GDA: variants seen among roughly 807,000 people sequenced by gnomAD.
The protein encoded by GDA is cytoplasmic PSD-95 interactor.
A neutral mutation model predicts 59.6 loss-of-function variants in GDA; 18 were observed. That is an observed-to-expected ratio of 0.30 (90% CI 0.21 to 0.45). The LOEUF is 0.45. Among genes scored for constraint, GDA ranks in the 20% least tolerant of loss-of-function variants. The pLI, the probability that GDA is intolerant of heterozygous loss-of-function variation, is 1.00. For missense variants in GDA, 427 were observed against 552.3 expected, an observed-to-expected ratio of 0.77 and a Z score of 2.27; for synonymous variants, 201 against 201.1, an observed-to-expected ratio of 1.00 and a Z score of 0.00.
chr9:72,250,171 T>G lies in GDA; in HGVS notation c.*1829T>G, dbSNP rs1038968680. The G allele has an allele frequency of 5.1e-6, 5 of 984,652 alleles. No individual in the cohort carries two copies. The South Asian group carries it at 1.4e-4, about 28-fold the overall frequency. The allele number at this position is 984,652 out of a possible 1,614,324, so 61.0% of individuals were successfully genotyped here. Reference sequence around the variant, plus strand: ...ATCTTCAGCTTTATCACTCAACCCCTGCCAAAGGAACTTGATTACATGGTG... The same window carrying G: ...ATCTTCAGCTTTATCACTCAACCCCGGCCAAAGGAACTTGATTACATGGTG... On this transcript the variant is annotated 3_prime_UTR_variant, in exon 14 of 14. Coordinates refer to ENST00000358399, the MANE Select transcript of GDA (RefSeq NM_004293.5).
At position 72,154,011 on chromosome 9, in the gene GDA, T is replaced by G. The variant is rs190630655; in HGVS notation, c.123+4329T>G. On this transcript the variant is annotated intron_variant, in intron 1 of 13. Transcript: ENST00000358399. ...CATGTTTAATTCATTTGCAAATATT[T>G]AATCTTGAGGTAATGCATGCTCAAA... Among the ~76,000 whole-genome samples, 120 of 152,302 alleles carry G rather than the reference T, an allele frequency of 7.9e-4. 2 individuals carry two copies. Among genetic ancestry groups the G allele is most frequent in the Admixed American group, 7.1e-3 (109 of 15,304 alleles).
At chr9:72,187,980 G>C (rs1374277771) in intron 1 of GDA, among the ~76,000 whole-genome samples, 1 of 152,190 alleles carries the variant, frequency 6.6e-6, no homozygotes, top group Non-Finnish European at 1.5e-5. Context: ...GATGAAATAG[G>C]ATATCTAGCT....
chr9:72,150,341 G>GCA lies in GDA; in HGVS notation c.123+675_123+676dup, dbSNP rs796802920. ...CGTACACACACACACACACACGCAC[G>GCA]CACACACACACACACACCATAGCCA... On this transcript the variant is annotated intron_variant, in intron 1 of 13. Coordinates refer to ENST00000358399, the MANE Select transcript of GDA (RefSeq NM_004293.5). Among the ~76,000 whole-genome samples the GCA allele has an allele frequency of 1.9e-3, 275 of 148,388 alleles. 1 individual carries two copies. The highest frequency in any genetic ancestry group is 3.2e-3 in the East Asian group (16 of 4,994).
chr9:72,245,444 G>A (rs769319331), intron 12 of GDA, among the ~76,000 whole-genome samples, 166 bp downstream of exon 12: 30 of 152,206 alleles, frequency 2.0e-4, no homozygotes, highest in Admixed American at 3.3e-4. Flanking sequence ...TGACAGCAAT[G>A]TTAAGAATAA....
chr9:72,216,307 G>A (rs1326078298), intron 5 of GDA, among the ~76,000 whole-genome samples: 1 of 152,172 alleles, frequency 6.6e-6, no homozygotes, highest in Non-Finnish European at 1.5e-5. Flanking sequence ...CCATATCTCA[G>A]GGTGGTTGCA....
intron 1 of GDA, among the ~76,000 whole-genome samples, chr9:72,153,509 T>C (rs1272164073): frequency 1.8e-4 from 25 of 141,368 alleles, no homozygotes; most frequent in Admixed American, 3.6e-4. Context: ...TAAATCATGC[T>C]GCTATAAAGA....
At chr9:72,188,641 C>T (rs1832136654) in intron 1 of GDA, among the ~76,000 whole-genome samples, 1 of 152,320 alleles carries the variant, frequency 6.6e-6, no homozygotes, top group East Asian at 1.9e-4. Context: ...CTGCAGAGAG[C>T]CCCAACTATG....
chr9:72,118,603 GC>G (rs1413329639), intron 1 of GDA, among the ~76,000 whole-genome samples: 1 of 152,080 alleles, frequency 6.6e-6, no homozygotes, highest in Non-Finnish European at 1.5e-5. Context: ...TTTTTAACCA[GC>G]ATTTTTCCCC....
rs1313902712 is a variant in GDA at position 72,241,202 on chromosome 9, G to A, written c.1039G>A (p.Val347Met). The A allele has an allele frequency of 1.9e-6, 3 of 1,610,948 alleles. No individual in the cohort carries two copies. Among genetic ancestry groups the A allele is most frequent in the Non-Finnish European group, 2.5e-6 (3 of 1,177,394 alleles). ...YSMLDAIRRA[V>M]MVSNILLINK... ...CATGCTTGATGCAATCAGAAGAGCA[G>A]TGATGGTTTCCAATATCCTTTTAAT... The change falls in exon 11 of 14, where the codon GTG (valine) becomes ATG (methionine). Residue 347 changes from valine (V) to methionine (M), a missense_variant. Physicochemically the swap from Val to Met is conservative, Grantham distance 21 (BLOSUM62 1). Coordinates refer to ENST00000358399, the MANE Select transcript of GDA (RefSeq NM_004293.5).
intron 1 of GDA, among the ~76,000 whole-genome samples, chr9:72,119,857 GT>G (rs1224229405): frequency 3.3e-5 from 5 of 152,148 alleles, no homozygotes; most frequent in Non-Finnish European, 5.9e-5. Flanking sequence ...ACCATGGGAT[GT>G]TTTTCCTCTG....
chr9:72,167,826 C>A (rs567814769), intron 1 of GDA, among the ~76,000 whole-genome samples: 20 of 152,294 alleles, frequency 1.3e-4, no homozygotes, highest in African/African-American at 3.8e-4. Context: ...CATGCAGAAA[C>A]TCTCAAGAAG....
Position 72,202,671 on chromosome 9 carries a change from A to C in GDA, c.313A>C (p.Lys105Gln), listed in dbSNP as rs1587624917. The C allele has an allele frequency of 6.2e-7, 1 of 1,613,610 alleles. No individual in the cohort carries two copies. The highest frequency in any genetic ancestry group is 8.5e-7 in the Non-Finnish European group (1 of 1,179,566). Reference protein sequence around the residue: ...IDLPLLEWLTKYTFPAEHRFQ... With the variant: ...IDLPLLEWLTQYTFPAEHRFQ... ...CCTGCCACTCTTGGAGTGGCTGACC[A>C]AGTACACATTTCCTGCAGAACACAG... The change falls in exon 3 of 14, where the codon AAG (lysine) becomes CAG (glutamine). Residue 105 changes from lysine (K) to glutamine (Q), a missense_variant. Transcript: ENST00000358399.
intron 1 of GDA, among the ~76,000 whole-genome samples, chr9:72,133,287 T>TAAAA (rs1257876460): frequency 0.021 from 1,972 of 95,252 alleles, 39 homozygotes; most frequent in Non-Finnish European, 0.026. Context: ...AGACTCTGTC[T>TAAAA]AAAAAAAAAA....
At chr9:72,121,235 G>A (rs1455993855) in intron 1 of GDA, among the ~76,000 whole-genome samples, 4 of 152,116 alleles carry the variant, frequency 2.6e-5, no homozygotes, top group African/African-American at 9.7e-5. Context: ...AAAAGGATAA[G>A]CACCAACCAA....
chr9:72,240,828 G>A (rs1839528284), intron 10 of GDA, among the ~76,000 whole-genome samples: 1 of 152,188 alleles, frequency 6.6e-6, no homozygotes, highest in South Asian at 2.1e-4. Flanking sequence ...GCTCTTGTGG[G>A]GATCATGGCC....
chr9:72,178,648 C>T (rs35909348), intron 1 of GDA, among the ~76,000 whole-genome samples: 11,184 of 152,122 alleles, frequency 0.074, 584 homozygotes, highest in Admixed American at 0.15. Flanking sequence ...GAACTCCTGA[C>T]CTCAGGTGTT....
In GDA at chr9:72,250,338, A is replaced by G. The variant is rs1166840601; in HGVS notation, c.*1996A>G. On this transcript the variant is annotated 3_prime_UTR_variant, in exon 14 of 14. Transcript: ENST00000358399. ...ATTTTGATGTTGAACATCAGTTTTC[A>G]TGTAGACTTAGGACTCATGTGCAGT... The G allele has an allele frequency of 9.6e-7, 1 of 1,042,324 alleles. No individual in the cohort carries two copies. Among genetic ancestry groups the G allele is most frequent in the Non-Finnish European group, 1.2e-6 (1 of 866,188 alleles). 64.6% of individuals were successfully genotyped at this position (1,042,324 alleles called of 1,614,324 possible).
intron 1 of GDA, among the ~76,000 whole-genome samples, chr9:72,140,888 T>C (rs1176782824): frequency 2.0e-5 from 3 of 152,166 alleles, no homozygotes; most frequent in Admixed American, 2.0e-4. Context: ...GGCCAAACAG[T>C]AGCTTACACC....
chr9:72,231,028 A>C, intron 9 of GDA, 86 bp from the exon 10 acceptor site: 1 of 812,438 alleles, frequency 1.2e-6, no homozygotes, highest in East Asian at 2.4e-5. Flanking sequence ...CACAATTTTC[A>C]GTGGCATCAC....
Sources: gnomAD v4.1 joint callset for allele counts (sites outside exome capture counted in the v4.1 genomes callset) on GRCh38, gnomAD v4.1.1 for gene constraint, MANE v1.5 for transcripts, NCBI Gene and HGNC (gene_info 2026-07-23, HGNC 2026-07-21) for gene names.